MASP1: variants seen among roughly 807,000 people sequenced by gnomAD.
MASP1 encodes mannan-binding lectin serine protease 1.
MASP1 carries 59 observed loss-of-function variants against 77.1 expected under a neutral mutation model. The observed-to-expected ratio is 0.77, with a 90% CI of 0.62 to 0.95. The LOEUF (loss-of-function observed/expected upper bound fraction) is 0.95, where lower values mean the gene tolerates loss of function less well. Ranked by LOEUF, MASP1 falls within the 40% of genes least tolerant of loss-of-function variation. The pLI is 0.00. For missense variants in MASP1, 885 were observed against 912.9 expected (o/e 0.97, Z 0.39); for synonymous variants, 362 against 354.5 (o/e 1.02, Z -0.24).
intron 13 of MASP1, among the ~76,000 whole-genome samples, chr3:187,223,847 A>G (rs1712214636): frequency 6.6e-6 from 1 of 152,248 alleles, no homozygotes; most frequent in South Asian, 2.1e-4. Flanking sequence ...AACCTGTACT[A>G]TATCCCTAGA....
downstream of MASP1, among the ~76,000 whole-genome samples, chr3:187,231,267 C>T (rs1286100009): frequency 6.6e-6 from 1 of 152,350 alleles, no homozygotes; most frequent in East Asian, 1.9e-4. Flanking sequence ...TGTCACCCCT[C>T]TCTTGTATTT....
At chr3:187,288,852 G>A (rs1206176903) in intron 1 of MASP1, among the ~76,000 whole-genome samples, 1 of 152,188 alleles carries the variant, frequency 6.6e-6, no homozygotes, top group Non-Finnish European at 1.5e-5. Context: ...TAGGCAACTG[G>A]TCAGCGTGGG....
At chr3:187,280,520 T>C (rs773340481) in intron 2 of MASP1, among the ~76,000 whole-genome samples, 2 of 152,232 alleles carry the variant, frequency 1.3e-5, no homozygotes, top group African/African-American at 2.4e-5. Context: ...TATAGCTTCA[T>C]AGTTTCTTTG....
chr3:187,258,538 C>A (rs561762684), intron 4 of MASP1, among the ~76,000 whole-genome samples: 9 of 152,320 alleles, frequency 5.9e-5, no homozygotes, highest in African/African-American at 2.2e-4. Flanking sequence ...CATAAAGCTC[C>A]TATCTCAACC....
chr3:187,266,060 A>T (rs551050344), intron 2 of MASP1, among the ~76,000 whole-genome samples: 9 of 152,350 alleles, frequency 5.9e-5, no homozygotes, highest in African/African-American at 2.2e-4. Context: ...CATCATATCA[A>T]CATGATGGAG....
At chr3:187,222,387 A>C (rs528930938) in intron 14 of MASP1, among the ~76,000 whole-genome samples, 1 of 152,254 alleles carries the variant, frequency 6.6e-6, no homozygotes, top group South Asian at 2.1e-4. Context: ...GGAAACACCA[A>C]ATAGACCCCC....
chr3:187,270,214 G>T (rs76780930), intron 2 of MASP1, among the ~76,000 whole-genome samples: 92 of 152,306 alleles, frequency 6.0e-4, no homozygotes, highest in African/African-American at 2.1e-3. Flanking sequence ...TATTAACAAA[G>T]ATTCTTTGCT....
exon 13 of MASP1, chr3:187,225,389 A>G (rs772417041): frequency 1.9e-6 from 3 of 1,614,092 alleles, no homozygotes; most frequent in Non-Finnish European, 2.5e-6. Context: ...TGGGCTCTCC[A>G]ACAGCTCCAC....
intron 14 of MASP1, chr3:187,221,162 C>T (rs761858441): frequency 1.8e-5 from 29 of 1,568,748 alleles, no homozygotes; most frequent in South Asian, 1.0e-4. Context: ...TATTGGTCCT[C>T]ATCCCCGGCT....
intron 7 of MASP1, 23 bp downstream of exon 7, chr3:187,251,611 C>T: frequency 6.2e-7 from 1 of 1,600,148 alleles, no homozygotes; most frequent in South Asian, 1.1e-5. Context: ...GGTCACTCCC[C>T]TTTCCCAGGC....
exon 16 of MASP1, chr3:187,218,420 A>T (rs1371392169): frequency 6.6e-6 from 1 of 152,602 alleles, no homozygotes; most frequent in African/African-American, 2.4e-5. Context: ...CTTCTTTGGC[A>T]TTGAAAATGG....
At chr3:187,219,968 G>C (rs1442643277) in exon 16 of MASP1, 2 of 1,216,280 alleles carry the variant, frequency 1.6e-6, no homozygotes, top group East Asian at 2.4e-5. Flanking sequence ...GCCGAAGGAG[G>C]GGGGATGGGA....
intron 2 of MASP1, among the ~76,000 whole-genome samples, chr3:187,282,370 G>C (rs188899339): frequency 9.4e-4 from 143 of 151,976 alleles, no homozygotes; most frequent in Non-Finnish European, 1.6e-3. Flanking sequence ...GGTGGCATGT[G>C]CCTGTCGTCC....
chr3:187,230,898 C>A (rs1325742902), downstream of MASP1, among the ~76,000 whole-genome samples: 2 of 152,184 alleles, frequency 1.3e-5, no homozygotes, highest in East Asian at 3.8e-4. Context: ...TATGTGGCTT[C>A]CCAGAACACT....
intron 8 of MASP1, chr3:187,247,212 T>A: frequency 6.3e-7 from 1 of 1,584,290 alleles, no homozygotes; most frequent in Non-Finnish European, 8.6e-7. Context: ...GCACCCATTC[T>A]AATCCACATG....
intron 7 of MASP1, 48 bp from the exon 8 acceptor site, chr3:187,250,377 G>T: frequency 7.1e-7 from 1 of 1,416,770 alleles, no homozygotes. Context: ...GGTGGGGGTG[G>T]TGTCAGGGGT....
intron 12 of MASP1, chr3:187,226,262 C>T (rs1020049035): frequency 2.9e-6 from 2 of 687,866 alleles, no homozygotes; most frequent in African/African-American, 1.8e-5. Context: ...CACTTGGACT[C>T]AGGTTCCTGG....
chr3:187,232,097 G>C (rs922688782), downstream of MASP1, among the ~76,000 whole-genome samples: 2 of 152,222 alleles, frequency 1.3e-5, no homozygotes, highest in Admixed American at 1.3e-4. Flanking sequence ...TCCTCTCTTA[G>C]GGAACTTCCA....
chr3:187,220,658 C>T (rs569460937), intron 15 of MASP1, among the ~76,000 whole-genome samples: 53 of 151,992 alleles, frequency 3.5e-4, no homozygotes, highest in African/African-American at 1.1e-3. Flanking sequence ...CCACCATGCC[C>T]GGCTAATTTT....
Sources: gnomAD v4.1 joint callset for allele counts (sites outside exome capture counted in the v4.1 genomes callset) on GRCh38, gnomAD v4.1.1 for gene constraint, MANE v1.5 for transcripts, NCBI Gene and HGNC (gene_info 2026-07-23, HGNC 2026-07-21) for gene names.